Variants in PIP5K1B observed in about 807,000 individuals in gnomAD.
The protein encoded by PIP5K1B is phosphatidylinositol-4-phosphate 5-kinase type 1 beta.
Under a neutral mutation model 67.0 loss-of-function variants are expected in PIP5K1B, and 42 were observed. That is an observed-to-expected ratio of 0.63 (90% CI 0.49 to 0.81). The LOEUF (loss-of-function observed/expected upper bound fraction) is 0.81, where lower values mean the gene tolerates loss of function less well. Ranked by LOEUF, PIP5K1B falls within the 30% of genes least tolerant of loss-of-function variation. The pLI, the probability that PIP5K1B is intolerant of heterozygous loss-of-function variation, is 0.00. For missense variants in PIP5K1B, 459 were observed against 646.3 expected (o/e 0.71, Z 3.14); for synonymous variants, 214 against 231.4 (o/e 0.92, Z 0.68).
intron 6 of PIP5K1B, 89 bp from the exon 7 acceptor site, chr9:68,888,892 G>T: frequency 1.1e-6 from 1 of 870,722 alleles, no homozygotes; most frequent in Non-Finnish European, 1.8e-6. Flanking sequence ...TTTCAACATA[G>T]CTAAGATGTG....
chr9:68,967,628 T>G (rs1829104945), intron 14 of PIP5K1B, among the ~76,000 whole-genome samples: 3 of 152,162 alleles, frequency 2.0e-5, no homozygotes, highest in Admixed American at 6.5e-5. Context: ...TCCCAGACAC[T>G]GCTACAGGGT....
intron 4 of PIP5K1B, among the ~76,000 whole-genome samples, chr9:68,829,593 G>A (rs1233398971): frequency 1.3e-5 from 2 of 152,198 alleles, no homozygotes; most frequent in African/African-American, 2.4e-5. Flanking sequence ...TTATCTAAAC[G>A]TTGTTAGTGC....
At chr9:68,885,033 A>C (rs79736005) in intron 6 of PIP5K1B, among the ~76,000 whole-genome samples, 3,292 of 152,278 alleles carry the variant, frequency 0.022, 98 homozygotes, top group African/African-American at 0.072. Context: ...GCATTATTCA[A>C]AATGGGAAAG....
chr9:68,799,597 A>T (rs561417488), intron 2 of PIP5K1B, among the ~76,000 whole-genome samples: 82 of 152,318 alleles, frequency 5.4e-4, no homozygotes, highest in African/African-American at 1.5e-3. Flanking sequence ...ATACATATAC[A>T]ATCAATTGAT....
intron 2 of PIP5K1B, among the ~76,000 whole-genome samples, chr9:68,754,318 C>A (rs11143615): frequency 0.015 from 2,211 of 151,498 alleles, 50 homozygotes; most frequent in East Asian, 0.11. Flanking sequence ...TACAGGCGCC[C>A]GCCACCATGC....
intron 4 of PIP5K1B, among the ~76,000 whole-genome samples, chr9:68,846,251 G>A (rs865976406): frequency 6.6e-6 from 1 of 152,202 alleles, no homozygotes; most frequent in South Asian, 2.1e-4. Flanking sequence ...GTTTCAGATT[G>A]TTTTGTTTAA....
At chr9:68,717,402 G>C (rs902605131) in intron 1 of PIP5K1B, among the ~76,000 whole-genome samples, 1 of 152,132 alleles carries the variant, frequency 6.6e-6, no homozygotes, top group Non-Finnish European at 1.5e-5. Flanking sequence ...CTGTAAATAA[G>C]AGAAAAATAC....
At chr9:68,780,493 C>A (rs1831201881) in intron 2 of PIP5K1B, 1 of 1,614,244 alleles carries the variant, frequency 6.2e-7, no homozygotes, top group Non-Finnish European at 8.5e-7. Flanking sequence ...GTGCAGACCG[C>A]AATGCAGATA....
chr9:68,824,150 A>T (rs1014995842), intron 4 of PIP5K1B: 13 of 519,044 alleles, frequency 2.5e-5, no homozygotes, highest in Admixed American at 1.6e-4. Context: ...GTGTACATTC[A>T]TTCAAGCATG....
chr9:68,980,772 G>C (rs898205240), intron 14 of PIP5K1B, among the ~76,000 whole-genome samples: 2 of 152,124 alleles, frequency 1.3e-5, no homozygotes, highest in African/African-American at 4.8e-5. Context: ...GATATTCTCT[G>C]AGGTTTCTTC....
At chr9:68,794,309 A>G (rs1832164801) in intron 2 of PIP5K1B, among the ~76,000 whole-genome samples, 1 of 152,238 alleles carries the variant, frequency 6.6e-6, no homozygotes. Context: ...GTAAATTGGT[A>G]TTAAGTGTTT....
intron 4 of PIP5K1B, among the ~76,000 whole-genome samples, chr9:68,859,610 T>A (rs1822958875): frequency 6.6e-6 from 1 of 152,180 alleles, no homozygotes; most frequent in Admixed American, 6.5e-5. Context: ...AGAAGCTCAG[T>A]TGTGCAAAGC....
chr9:68,802,723 A>G (rs1249853732), intron 2 of PIP5K1B, among the ~76,000 whole-genome samples: 1 of 152,164 alleles, frequency 6.6e-6, no homozygotes, highest in Non-Finnish European at 1.5e-5. Context: ...AGTGTGTGCA[A>G]AGGTAAGATG....
intron 14 of PIP5K1B, among the ~76,000 whole-genome samples, chr9:68,985,732 GTC>G (rs1255370444): frequency 6.6e-6 from 1 of 152,218 alleles, no homozygotes; most frequent in Non-Finnish European, 1.5e-5. Context: ...TGCACTCACA[GTC>G]TCTTCACCAG....
chr9:68,755,442 T>C (rs1020103977), intron 2 of PIP5K1B, among the ~76,000 whole-genome samples: 7 of 152,264 alleles, frequency 4.6e-5, no homozygotes, highest in Non-Finnish European at 1.0e-4. Flanking sequence ...TGTACTTTCA[T>C]AGATATAGAC....
intron 1 of PIP5K1B, chr9:68,708,225 A>C (rs1472043276): frequency 3.3e-5 from 5 of 152,204 alleles, no homozygotes; most frequent in African/African-American, 1.2e-4. Flanking sequence ...TGAATATTCT[A>C]ATTGTAAGCT....
intron 14 of PIP5K1B, among the ~76,000 whole-genome samples, chr9:68,989,638 T>G (rs1465759184): frequency 1.3e-5 from 2 of 151,962 alleles, no homozygotes; most frequent in Non-Finnish European, 2.9e-5. Context: ...TGGGGAAAAA[T>G]TTTGTATATC....
At chr9:68,809,467 C>T (rs1373150573) in intron 2 of PIP5K1B, among the ~76,000 whole-genome samples, 1 of 152,162 alleles carries the variant, frequency 6.6e-6, no homozygotes, top group Non-Finnish European at 1.5e-5. Flanking sequence ...AATTTCCACA[C>T]ATTTGTTTTT....
intron 14 of PIP5K1B, among the ~76,000 whole-genome samples, chr9:68,989,115 A>T (rs1830243515): frequency 6.6e-6 from 1 of 151,424 alleles, no homozygotes; most frequent in Non-Finnish European, 1.5e-5. Flanking sequence ...AAAAAAAAAA[A>T]AAAAATCCAC....
Sources: gnomAD v4.1 joint callset for allele counts (sites outside exome capture counted in the v4.1 genomes callset) on GRCh38, gnomAD v4.1.1 for gene constraint, MANE v1.5 for transcripts, NCBI Gene and HGNC (gene_info 2026-07-23, HGNC 2026-07-21) for gene names.